GRIK2: variants seen among roughly 807,000 people sequenced by gnomAD.
The protein encoded by GRIK2 is glutamate ionotropic receptor kainate type subunit 2.
Under a neutral mutation model 100.3 loss-of-function variants are expected in GRIK2, and 32 were observed. The observed-to-expected ratio is 0.32, with a 90% CI of 0.24 to 0.43. The LOEUF is 0.43. Ranked by LOEUF, GRIK2 falls within the 20% of genes least tolerant of loss-of-function variation. The pLI is 1.00. For missense variants in GRIK2, 843 were observed against 1,114.9 expected, an observed-to-expected ratio of 0.76 and a Z score of 3.47; for synonymous variants, 417 against 389.4, an observed-to-expected ratio of 1.07 and a Z score of -0.83.
chr6:101,817,968 G>A (rs76028912), intron 9 of GRIK2, among the ~76,000 whole-genome samples: 162 of 152,166 alleles, frequency 1.1e-3, no homozygotes, highest in African/African-American at 3.5e-3. Context: ...TAGATTTTGC[G>A]CTGTCTTTTA....
chr6:101,647,858 G>A (rs1457300848), intron 4 of GRIK2, among the ~76,000 whole-genome samples: 1 of 152,020 alleles, frequency 6.6e-6, no homozygotes, highest in Non-Finnish European at 1.5e-5. Flanking sequence ...ACATATCACT[G>A]TGATGTGCTA....
chr6:101,736,554 C>G (rs34995804), intron 7 of GRIK2, among the ~76,000 whole-genome samples: 2 of 152,318 alleles, frequency 1.3e-5, no homozygotes, highest in East Asian at 3.9e-4. Context: ...AAGCCACAGC[C>G]TGAGCTCTAC....
chr6:101,653,332 C>G (rs950274001), intron 4 of GRIK2, among the ~76,000 whole-genome samples: 4 of 151,990 alleles, frequency 2.6e-5, no homozygotes, highest in Non-Finnish European at 4.4e-5. Context: ...TGGTCTTGAC[C>G]TTTGGAGCTG....
intron 2 of GRIK2, among the ~76,000 whole-genome samples, chr6:101,583,943 C>T (rs1778223238): frequency 6.6e-6 from 1 of 151,934 alleles, no homozygotes; most frequent in Non-Finnish European, 1.5e-5. Context: ...TTTAATATGG[C>T]AGATTTTATA....
intron 7 of GRIK2, among the ~76,000 whole-genome samples, chr6:101,786,646 G>A (rs1354816250): frequency 1.3e-5 from 2 of 152,200 alleles, no homozygotes; most frequent in East Asian, 3.9e-4. Context: ...AATTCCACTT[G>A]ATCATGTTGT....
At chr6:102,036,668 T>C (rs1246777757) in intron 15 of GRIK2, among the ~76,000 whole-genome samples, 1 of 151,336 alleles carries the variant, frequency 6.6e-6, no homozygotes, top group Non-Finnish European at 1.5e-5. Context: ...GAAGAAGCCA[T>C]GAGCCAAGAA....
In GRIK2 at chr6:101,789,827, C is replaced by T. The variant is rs552875674; in HGVS notation, c.952-9821C>T. ...GGCCATTTTCATGATATTGATTCTTCCTACCCATGAGCATGGAATGTTCTT... is the reference window on the plus strand; with the variant it reads ...GGCCATTTTCATGATATTGATTCTTTCTACCCATGAGCATGGAATGTTCTT... On this transcript the variant is annotated intron_variant, in intron 7 of 16. Coordinates refer to ENST00000369134, the MANE Select transcript of GRIK2 (RefSeq NM_021956.5). Among the ~76,000 whole-genome samples the T allele has an allele frequency of 1.1e-3, 168 of 152,268 alleles. 2 individuals carry two copies. In the East Asian group the frequency reaches 0.032, roughly 29 times the overall value.
At chr6:101,890,440 A>C (rs1268373819) in intron 12 of GRIK2, 1 of 152,268 alleles carries the variant, frequency 6.6e-6, no homozygotes, top group Non-Finnish European at 1.5e-5. Context: ...ATCAGAAGAT[A>C]AAATGCCAAG....
At chr6:101,897,084 T>A (rs925709260) in intron 12 of GRIK2, among the ~76,000 whole-genome samples, 1 of 151,228 alleles carries the variant, frequency 6.6e-6, no homozygotes, top group East Asian at 1.9e-4. Context: ...GTATAAAAAA[T>A]TTTTTTAAAG....
chr6:101,538,647 C>G (rs899008862), intron 2 of GRIK2, among the ~76,000 whole-genome samples: 43 of 150,840 alleles, frequency 2.9e-4, no homozygotes, highest in Non-Finnish European at 5.5e-4. Context: ...CTTGTATTTG[C>G]TCTAAAGGAT....
intron 4 of GRIK2, among the ~76,000 whole-genome samples, chr6:101,626,953 C>A (rs549381100): frequency 3.3e-5 from 5 of 151,656 alleles, no homozygotes; most frequent in Non-Finnish European, 7.4e-5. Flanking sequence ...TACACACACA[C>A]GTACACATAC....
At chr6:101,682,447 T>G (rs1310821682) in intron 5 of GRIK2, 106 bp from the exon 6 acceptor site, 1 of 690,278 alleles carries the variant, frequency 1.4e-6, no homozygotes, top group Non-Finnish European at 2.6e-6. Flanking sequence ...ATGAATATTG[T>G]AGGTTGATTC....
In GRIK2 at chr6:101,791,458, G is replaced by A. The variant is rs189276716; in HGVS notation, c.952-8190G>A. On this transcript the variant is annotated intron_variant, in intron 7 of 16. Coordinates refer to ENST00000369134, the MANE Select transcript of GRIK2 (RefSeq NM_021956.5). The stretch of plus-strand genomic sequence containing the variant: ...AGATCTTTATTTCTGCCTTCATTTC[G>A]TTATGTACCCAGTAGTCATTCAGGA... Among the ~76,000 whole-genome samples, 12 of 152,142 alleles carry A rather than the reference G, an allele frequency of 7.9e-5. No homozygotes were observed. The East Asian group carries it at 9.7e-4, about 12-fold the overall frequency.
At chr6:101,493,209 T>C (rs1773235588) in intron 2 of GRIK2, among the ~76,000 whole-genome samples, 1 of 151,816 alleles carries the variant, frequency 6.6e-6, no homozygotes, top group Non-Finnish European at 1.5e-5. Flanking sequence ...AGAGAAGCAA[T>C]AGGCAAAGGA....
chr6:101,936,024 T>C (rs1195373292), intron 14 of GRIK2, among the ~76,000 whole-genome samples: 1 of 152,090 alleles, frequency 6.6e-6, no homozygotes, highest in Admixed American at 6.6e-5. Flanking sequence ...ACTTTATTTT[T>C]AATTTTTTGT....
intron 2 of GRIK2, among the ~76,000 whole-genome samples, chr6:101,568,132 C>A (rs1453149408): frequency 6.6e-6 from 1 of 151,758 alleles, no homozygotes; most frequent in Non-Finnish European, 1.5e-5. Flanking sequence ...GCTTTTTTGT[C>A]AAATTAATAA....
chr6:101,548,182 G>A (rs568102274), intron 2 of GRIK2, among the ~76,000 whole-genome samples: 2 of 152,096 alleles, frequency 1.3e-5, no homozygotes, highest in South Asian at 2.1e-4. Flanking sequence ...TTTTTTTCTT[G>A]TAAATTTGTT....
At chr6:101,738,100 G>C (rs1467812689) in intron 7 of GRIK2, among the ~76,000 whole-genome samples, 2 of 151,852 alleles carry the variant, frequency 1.3e-5, no homozygotes, top group Non-Finnish European at 2.9e-5. Context: ...CCATTGTGAG[G>C]AATAATTAGG....
intron 7 of GRIK2, among the ~76,000 whole-genome samples, chr6:101,699,946 C>T (rs1199252294): frequency 6.6e-6 from 1 of 151,936 alleles, no homozygotes; most frequent in Non-Finnish European, 1.5e-5. Flanking sequence ...CAGGAGTTCA[C>T]GACCAGCATA....
Sources: gnomAD v4.1 joint callset for allele counts (sites outside exome capture counted in the v4.1 genomes callset) on GRCh38, gnomAD v4.1.1 for gene constraint, MANE v1.5 for transcripts, NCBI Gene and HGNC (gene_info 2026-07-23, HGNC 2026-07-21) for gene names.